MYO16: variants seen among roughly 807,000 people sequenced by gnomAD.
MYO16 encodes the protein unconventional myosin-XVI.
In MYO16, 94 loss-of-function variants were observed where a neutral mutation model predicts 205.3. The ratio of observed to expected loss-of-function variants is 0.46; its 90% CI spans 0.39 to 0.54. The LOEUF (loss-of-function observed/expected upper bound fraction) is 0.54, where lower values mean the gene tolerates loss of function less well. Ranked by LOEUF, MYO16 falls within the 20% of genes least tolerant of loss-of-function variation. The probability of loss-of-function intolerance (pLI) is 0.00; values close to 1 mark genes in which losing one functional copy is unlikely to be tolerated. For synonymous variants in MYO16, 988 were observed against 954.0 expected (o/e 1.04, Z -0.66); for missense variants, 2,315 against 2,387.5 (o/e 0.97, Z 0.63).
chr13:108,658,384 T>C (rs1424504833), intron 1 of MYO16, among the ~76,000 whole-genome samples: 2 of 151,738 alleles, frequency 1.3e-5, no homozygotes, highest in African/African-American at 4.8e-5. Flanking sequence ...TATTAATTAA[T>C]AGCATCATTT....
chr13:109,143,176 A>G (rs1401666787), intron 32 of MYO16, among the ~76,000 whole-genome samples: 1 of 152,156 alleles, frequency 6.6e-6, no homozygotes, highest in Non-Finnish European at 1.5e-5. Flanking sequence ...CCAAAAGAAA[A>G]TACATAAATG....
chr13:108,498,016 TG>T, the MYO16 span, among the ~76,000 whole-genome samples: 3 of 152,240 alleles, frequency 2.0e-5, no homozygotes, highest in East Asian at 5.8e-4. Context: ...TATGTATATG[TG>T]TGTATCTCTA....
chr13:109,044,608 A>G lies in MYO16; in HGVS notation c.2797-2308A>G, dbSNP rs77472796. Among the ~76,000 whole-genome samples, 1,029 of 152,340 alleles carry G rather than the reference A, an allele frequency of 6.8e-3. 21 individuals are homozygous for G. The highest frequency in any genetic ancestry group is 0.023 in the African/African-American group (958 of 41,580). ...TTATCTCAACTTCCATTAATTTTCT[A>G]GAAGTGAATTGGAATAACTACTAAA... On this transcript the variant is annotated intron_variant, in intron 23 of 34. Transcript: ENST00000457511.
At chr13:108,855,841 C>G (rs904276680) in intron 11 of MYO16, among the ~76,000 whole-genome samples, 3 of 152,194 alleles carry the variant, frequency 2.0e-5, no homozygotes, top group Admixed American at 6.5e-5. Flanking sequence ...GAAGATCTTG[C>G]TAGAACCAGC....
At chr13:108,666,589 C>A (rs2139434696) in intron 2 of MYO16, among the ~76,000 whole-genome samples, 1 of 152,180 alleles carries the variant, frequency 6.6e-6, no homozygotes. Context: ...TCCCAGAGTG[C>A]AGGAATTACA....
chr13:109,200,631 T>G (rs2139969640), intron 34 of MYO16, among the ~76,000 whole-genome samples: 1 of 152,010 alleles, frequency 6.6e-6, no homozygotes, highest in Admixed American at 6.5e-5. Flanking sequence ...TTTGAAAGGG[T>G]AAGACAGCAT....
At chr13:108,839,508 G>A (rs571934321) in intron 9 of MYO16, among the ~76,000 whole-genome samples, 1 of 152,150 alleles carries the variant, frequency 6.6e-6, no homozygotes, top group South Asian at 2.1e-4. Context: ...CAGTTTGTCA[G>A]ACTGCAAGGC....
rs540504743 is a variant in MYO16 at position 108,668,932 on chromosome 13, T to C, written c.292+2783T>C. ...AGAATTCCAGGATAACATCAAGCTTTTGGGGCCTTGACAACTAGAAGAATG... is the reference window on the plus strand; with the variant it reads ...AGAATTCCAGGATAACATCAAGCTTCTGGGGCCTTGACAACTAGAAGAATG... On this transcript the variant is annotated intron_variant, in intron 2 of 34. Coordinates refer to ENST00000457511, the MANE Select transcript of MYO16 (RefSeq NM_001198950.3). 9.2e-5 allele frequency among the ~76,000 whole-genome samples: 14 copies of C among 152,098 alleles called. 1 individual carries two copies. In the South Asian group the frequency reaches 2.9e-3, roughly 32 times the overall value.
At chr13:108,564,691 T>TAA in the MYO16 span, among the ~76,000 whole-genome samples, 182 of 152,336 alleles carry the variant, frequency 1.2e-3, no homozygotes, top group African/African-American at 4.2e-3. Context: ...TTTGGTTGCT[T>TAA]ACGCTTGTAG....
chr13:108,699,291 TAACTTCCACA>T (rs1883210641), intron 2 of MYO16, among the ~76,000 whole-genome samples: 1 of 152,036 alleles, frequency 6.6e-6, no homozygotes, highest in Non-Finnish European at 1.5e-5. Flanking sequence ...CACATTTTAA[TAACTTCCACA>T]GATATTGGCA....
rs10557146 is a variant in MYO16, at chr13:109,055,246, TACACACACAC to T, written c.3130-124_3130-115del. ...AATATCTTCACAAAAAAAGTAAACA[TACACACACAC>T]ACACACACACACACACACAGAGTAA... On this transcript the variant is annotated intron_variant, in intron 26 of 34. Transcript: ENST00000457511. The surrounding 1 kb of genome is among the most constrained non-coding windows in gnomAD (Gnocchi z 5.0). 2.2e-4 allele frequency: 144 copies of T among 658,470 alleles called. No homozygotes were observed. The highest frequency in any genetic ancestry group is 5.0e-4 in the South Asian group (22 of 43,822). 40.8% of individuals were successfully genotyped at this position (658,470 alleles called of 1,614,324 possible).
chr13:108,677,923 A>G (rs1033805210), intron 2 of MYO16, among the ~76,000 whole-genome samples: 2 of 152,222 alleles, frequency 1.3e-5, no homozygotes, highest in Non-Finnish European at 2.9e-5. Flanking sequence ...TGTGCTCACA[A>G]CAGTCTATGA....
At chr13:108,832,432 G>A (rs760352438) in intron 9 of MYO16, among the ~76,000 whole-genome samples, 10 of 152,046 alleles carry the variant, frequency 6.6e-5, no homozygotes, top group East Asian at 1.9e-4. Flanking sequence ...GTGAGCCACC[G>A]TGCCCAGCCC....
At chr13:108,651,621 T>TTGGA (rs1485162247) in intron 1 of MYO16, among the ~76,000 whole-genome samples, 1 of 152,136 alleles carries the variant, frequency 6.6e-6, no homozygotes, top group Non-Finnish European at 1.5e-5. Flanking sequence ...GCCCAAATAA[T>TTGGA]TGGATGGAAA....
At chr13:108,498,405 GGAGA>G in the MYO16 span, among the ~76,000 whole-genome samples, 1 of 152,192 alleles carries the variant, frequency 6.6e-6, no homozygotes, top group East Asian at 1.9e-4. Context: ...AGATGTGGAG[GGAGA>G]GAGAGTGATT....
At chr13:108,908,282 T>A (rs7332199) in intron 15 of MYO16, among the ~76,000 whole-genome samples, 26,658 of 152,130 alleles carry the variant, frequency 0.18, 2,687 homozygotes, top group East Asian at 0.49. Context: ...TATGCACTCC[T>A]GGCAACTTTT....
intron 15 of MYO16, among the ~76,000 whole-genome samples, chr13:108,909,317 T>C (rs1015893449): frequency 9.2e-5 from 14 of 151,524 alleles, no homozygotes; most frequent in African/African-American, 3.1e-4. Flanking sequence ...GAGGACTAAA[T>C]AAACATCAGC....
At chr13:108,517,226 G>T in the MYO16 span, among the ~76,000 whole-genome samples, 1 of 152,150 alleles carries the variant, frequency 6.6e-6, no homozygotes, top group South Asian at 2.1e-4. Flanking sequence ...CACTGCGCCT[G>T]GCTGCGTGTT....
the MYO16 span, among the ~76,000 whole-genome samples, chr13:108,526,181 T>C: frequency 6.6e-6 from 1 of 152,186 alleles, no homozygotes; most frequent in Non-Finnish European, 1.5e-5. Flanking sequence ...AGAAGGTTTG[T>C]TACAGATACT....
Sources: allele counts gnomAD v4.1 joint callset (sites outside exome capture counted in the v4.1 genomes callset), GRCh38; gene constraint gnomAD v4.1.1; non-coding constraint Gnocchi (gnomAD v3.1); transcripts MANE v1.5; gene names NCBI Gene and HGNC (gene_info 2026-07-23, HGNC 2026-07-21).